ZNF462: variants seen among roughly 807,000 people sequenced by gnomAD.
ZNF462 encodes the protein zinc finger PBX1-interacting protein.
Under a neutral mutation model 201.9 loss-of-function variants are expected in ZNF462, and 10 were observed. That is an observed-to-expected ratio of 0.05 (90% confidence interval 0.03 to 0.08). The LOEUF (loss-of-function observed/expected upper bound fraction) is 0.08, where lower values mean the gene tolerates loss of function less well. Among genes scored for constraint, ZNF462 ranks in the 10% least tolerant of loss-of-function variants. The pLI, the probability that ZNF462 is intolerant of heterozygous loss-of-function variation, is 1.00. For synonymous variants in ZNF462, 1,227 were observed against 1,193.3 expected (o/e 1.03, Z -0.58); for missense variants, 2,523 against 3,168.3 (o/e 0.80, Z 4.89).
intron 1 of ZNF462, among the ~76,000 whole-genome samples, chr9:106,906,371 T>G (rs1015271220): frequency 3.3e-5 from 5 of 152,196 alleles, no homozygotes; most frequent in African/African-American, 1.2e-4. Context: ...CGCATGCTGC[T>G]CTGCCTGGAG....
In ZNF462 at chr9:106,899,138, C is replaced by G. The variant is rs1301372161; in HGVS notation, c.-30-24216C>G. On this transcript the variant is annotated intron_variant, in intron 1 of 12. Transcript: ENST00000277225. ...ATAGAGTCGGGATTCAACCTCAGGC[C>G]TCTTTGACTCTTACCTATAATTTCC... Among the ~76,000 whole-genome samples, 6 of 150,340 alleles carry G rather than the reference C, an allele frequency of 4.0e-5. No homozygotes were observed. In the Admixed American group the frequency reaches 4.0e-4, roughly 10 times the overall value.
chr9:106,934,980 A>G (rs568727173), intron 5 of ZNF462, among the ~76,000 whole-genome samples: 1 of 152,274 alleles, frequency 6.6e-6, no homozygotes, highest in African/African-American at 2.4e-5. Context: ...AAGACAGCCC[A>G]TTGCAAGAAG....
Position 106,920,442 on chromosome 9 carries a change from C to T in ZNF462, c.-30-2912C>T, listed in dbSNP as rs1272068913. Among the ~76,000 whole-genome samples, 1 of 152,204 alleles carries T rather than the reference C, an allele frequency of 6.6e-6. No individual in the cohort carries two copies. Among genetic ancestry groups the T allele is most frequent in the Non-Finnish European group, 1.5e-5 (1 of 68,040 alleles). On this transcript the variant is annotated intron_variant, in intron 1 of 12. Transcript: ENST00000277225. The surrounding 1 kb of genome is among the most constrained non-coding windows in gnomAD (Gnocchi z 4.3). ...TTCAAAGTAGGCTACATCCTCCTTT[C>T]AGTACTTGGTGCAGACATGAAATTG...
At chr9:106,991,608 A>G (rs1828274855) in intron 10 of ZNF462, among the ~76,000 whole-genome samples, 1 of 151,952 alleles carries the variant, frequency 6.6e-6, no homozygotes. Flanking sequence ...CAACAAAATC[A>G]GAGGATTCAC....
chr9:106,948,654 T>C (rs937312858), intron 7 of ZNF462, among the ~76,000 whole-genome samples: 1 of 151,058 alleles, frequency 6.6e-6, no homozygotes, highest in Non-Finnish European at 1.5e-5. Context: ...GGTTGTCATT[T>C]AGTTTAGTTT....
chr9:106,933,042 T>A lies in ZNF462; in HGVS notation c.6116+493T>A, dbSNP rs1042864559. On this transcript the variant is annotated intron_variant, in intron 5 of 12. Transcript: ENST00000277225. This position sits in a 1 kb window ranked among gnomAD's most constrained non-coding sequence, Gnocchi z 4.3. Reference sequence around the variant, plus strand: ...AAGAGTTGCTTGACATACAGGGAGATTGAGGAGAGGGAGCTTCCCATTACT... The same window carrying A: ...AAGAGTTGCTTGACATACAGGGAGAATGAGGAGAGGGAGCTTCCCATTACT... 5.5e-6 allele frequency: 1 copy of A among 182,358 alleles called. No individual in the cohort carries two copies. Among genetic ancestry groups the A allele is most frequent in the Admixed American group, 5.3e-5 (1 of 18,720 alleles). 11.3% of individuals were successfully genotyped at this position (182,358 alleles called of 1,614,324 possible). A position where few individuals can be genotyped will look rare whatever the true frequency, so the allele number is the denominator to read the frequency against.
rs941263832 is a variant in ZNF462 at position 106,932,300 on chromosome 9, G to A, written c.6013-146G>A. ...GACCCTGCCCACTTGTTCCTGGATG[G>A]ATTGGAAGCAGCCAAAGACGCCAGT... is the stretch of plus-strand genomic sequence containing the variant. On this transcript the variant is annotated intron_variant, in intron 4 of 12. Transcript: ENST00000277225. The surrounding 1 kb of genome is among the most constrained non-coding windows in gnomAD (Gnocchi z 6.8). 6.4e-7 allele frequency: 1 copy of A among 1,552,348 alleles called. No individual in the cohort carries two copies. Among genetic ancestry groups the A allele is most frequent in the Non-Finnish European group, 8.7e-7 (1 of 1,147,532 alleles).
Position 106,981,160 on chromosome 9 carries a change from G to A in ZNF462, c.6833-3026G>A, listed in dbSNP as rs555903169. On this transcript the variant is annotated intron_variant, in intron 9 of 12. Transcript: ENST00000277225. This position sits in a 1 kb window ranked among gnomAD's most constrained non-coding sequence, Gnocchi z 4.0. Reference sequence around the variant, plus strand: ...CATAATTAAGAGATTTGGTAGACTGGCATTGTCTTAGTTTGGAAATGGGAA... The same window carrying A: ...CATAATTAAGAGATTTGGTAGACTGACATTGTCTTAGTTTGGAAATGGGAA... Among the ~76,000 whole-genome samples the A allele has an allele frequency of 6.6e-6, 1 of 152,126 alleles. No individual in the cohort carries two copies. Among genetic ancestry groups the A allele is most frequent in the Non-Finnish European group, 1.5e-5 (1 of 68,020 alleles).
In ZNF462 at chr9:106,950,821, G is replaced by A. The variant is rs1040865943; in HGVS notation, c.6427+11714G>A. Among the ~76,000 whole-genome samples, 4 of 152,296 alleles carry A rather than the reference G, an allele frequency of 2.6e-5. No homozygotes were observed. In the East Asian group the frequency reaches 7.7e-4, roughly 29 times the overall value. ...AAATTAAGTTCAGGCCAGGCGTGGTGGCTCGCACCTGTAATCTCAGCACTT... is the reference window on the plus strand; with the variant it reads ...AAATTAAGTTCAGGCCAGGCGTGGTAGCTCGCACCTGTAATCTCAGCACTT... On this transcript the variant is annotated intron_variant, in intron 7 of 12. Coordinates refer to ENST00000277225, the MANE Select transcript of ZNF462 (RefSeq NM_021224.6). The surrounding 1 kb of genome is among the most constrained non-coding windows in gnomAD (Gnocchi z 4.1).
chr9:106,996,019 A>G (rs1321640292), intron 10 of ZNF462, among the ~76,000 whole-genome samples: 1 of 152,074 alleles, frequency 6.6e-6, no homozygotes, highest in Non-Finnish European at 1.5e-5. Flanking sequence ...CCTGTGTCCA[A>G]GTGGTCTCAT....
rs1254174338 is a variant in ZNF462, at chr9:106,872,555, G to C, written c.-31+9200G>C. Among the ~76,000 whole-genome samples, 1 of 152,072 alleles carries C rather than the reference G, an allele frequency of 6.6e-6. No homozygotes were observed. Among genetic ancestry groups the C allele is most frequent in the East Asian group, 1.9e-4 (1 of 5,178 alleles). ...TTTCTTGTATTTTAGTAGAGACGGG[G>C]TTTCACTGTGTTGTCCAGGCTGGTC... On this transcript the variant is annotated intron_variant, in intron 1 of 12. Transcript: ENST00000277225. The surrounding 1 kb of genome is among the most constrained non-coding windows in gnomAD (Gnocchi z 4.5).
In ZNF462 at chr9:106,895,531, A is replaced by T. The variant is rs891906098; in HGVS notation, c.-30-27823A>T. Among the ~76,000 whole-genome samples the T allele has an allele frequency of 6.6e-6, 1 of 152,168 alleles. No individual in the cohort carries two copies. Among genetic ancestry groups the T allele is most frequent in the Non-Finnish European group, 1.5e-5 (1 of 68,034 alleles). ...ATCTTGATAGGGCACAGCTTTCGTT[A>T]TATCACATTGCCCTGATTAAGGATG... On this transcript the variant is annotated intron_variant, in intron 1 of 12. Coordinates refer to ENST00000277225, the MANE Select transcript of ZNF462 (RefSeq NM_021224.6). The surrounding 1 kb of genome is among the most constrained non-coding windows in gnomAD (Gnocchi z 4.4).
In ZNF462 at chr9:106,927,408, T is replaced by C; in HGVS notation, c.3496T>C (p.Ser1166Pro). ...GAGAGGGGTCGAAGGGCCCCAAGGC[T>C]CCCCCCGGCCACCCGCCCCCATACA... ...MMRGVEGPQG[S>P]PRPPAPIQQL... Residue 1166 changes from serine to proline, a missense_variant, in exon 3 of 13, where the codon TCC becomes CCC. Transcript: ENST00000277225. 6.2e-7 allele frequency: 1 copy of C among 1,612,360 alleles called. No homozygotes were observed. Among genetic ancestry groups the C allele is most frequent in the Non-Finnish European group, 8.5e-7 (1 of 1,179,498 alleles).
chr9:106,958,207 A>T (rs1226958714), intron 7 of ZNF462, among the ~76,000 whole-genome samples: 1 of 148,794 alleles, frequency 6.7e-6, no homozygotes, highest in Non-Finnish European at 1.5e-5. Flanking sequence ...CTCCTTTCCC[A>T]TCTGAGAGGT....
rs773727987 is a variant in ZNF462 at position 106,929,155 on chromosome 9, C to T, written c.5243C>T (p.Pro1748Leu). 20 of 1,614,140 alleles carry T rather than the reference C, an allele frequency of 1.2e-5. No individual in the cohort carries two copies. The highest frequency in any genetic ancestry group is 5.0e-5 in the Admixed American group (3 of 60,018). The change falls in exon 3 of 13, where the codon CCG (proline) becomes CTG (leucine). Residue 1748 changes from proline (P) to leucine (L), a missense_variant. By Grantham distance (98) the Pro-to-Leu change is moderately conservative. Around this residue, in one of 15 missense-constraint regions of ZNF462, gnomAD observed 207 missense variants for 231.6 expected, o/e 0.89. Transcript: ENST00000277225. The surrounding 1 kb of genome is among the most constrained non-coding windows in gnomAD (Gnocchi z 8.7). ...DKPNKVIIPS[P>L]PKDDSPQLSE... ...CCCAACAAAGTGATCATCCCATCCC[C>T]GCCCAAGGACGACTCCCCTCAGCTG...
intron 1 of ZNF462, among the ~76,000 whole-genome samples, chr9:106,906,800 T>G (rs896860286): frequency 2.6e-5 from 4 of 152,230 alleles, no homozygotes; most frequent in Non-Finnish European, 5.9e-5. Context: ...GAAAGTGTTA[T>G]TCACTTGGGC....
Position 107,005,764 on chromosome 9 carries a change from A to G in ZNF462, c.7189+2338A>G, listed in dbSNP as rs924426673. Among the ~76,000 whole-genome samples the G allele has an allele frequency of 5.3e-5, 8 of 152,202 alleles. No individual in the cohort carries two copies. In the East Asian group the frequency reaches 1.2e-3, roughly 22 times the overall value. ...ATCCAAAAAATCATTGCCCAGACCA[A>G]TGTCATGGAGCTTTTCCCCTTTGTT... On this transcript the variant is annotated intron_variant, in intron 11 of 12. Transcript: ENST00000277225. This position sits in a 1 kb window ranked among gnomAD's most constrained non-coding sequence, Gnocchi z 4.4.
intron 7 of ZNF462, among the ~76,000 whole-genome samples, chr9:106,948,166 C>T (rs962286806): frequency 4.6e-5 from 7 of 151,962 alleles, no homozygotes; most frequent in African/African-American, 1.7e-4. Flanking sequence ...CCTGGGACTG[C>T]AAAAATCCAG....
intron 7 of ZNF462, among the ~76,000 whole-genome samples, chr9:106,958,338 G>T (rs1213813056): frequency 6.6e-6 from 1 of 152,104 alleles, no homozygotes; most frequent in East Asian, 1.9e-4. Flanking sequence ...TAAATTCTGA[G>T]CTTAGCATGG....
Sources: allele counts gnomAD v4.1 joint callset (sites outside exome capture counted in the v4.1 genomes callset), GRCh38; gene constraint gnomAD v4.1.1; regional missense constraint gnomAD v4.1.1; non-coding constraint Gnocchi (gnomAD v3.1); transcripts MANE v1.5; gene names NCBI Gene and HGNC (gene_info 2026-07-23, HGNC 2026-07-21).